Variants in C12orf42 observed in about 807,000 individuals in gnomAD.
C12orf42 encodes the protein chromosome 12 open reading frame 42, also known as uncharacterized protein C12orf42.
A neutral mutation model predicts 21.6 loss-of-function variants in C12orf42; 25 were observed. The ratio of observed to expected loss-of-function variants is 1.16; its 90% confidence interval spans 0.84 to 1.62. C12orf42 has a LOEUF of 1.62. Among genes scored for constraint, C12orf42 ranks in the 40% most tolerant of loss-of-function variants. C12orf42 has a pLI of 0.00. For synonymous variants in C12orf42, 174 were observed against 175.0 expected, an observed-to-expected ratio of 0.99 and a Z score of 0.05; for missense variants, 483 against 459.3, an observed-to-expected ratio of 1.05 and a Z score of -0.47.
At chr12:103,350,173 G>A (rs764163989) in intron 4 of C12orf42, among the ~76,000 whole-genome samples, 49 of 152,248 alleles carry the variant, frequency 3.2e-4, no homozygotes, top group Admixed American at 7.2e-4. Flanking sequence ...CATGGTTTCA[G>A]TTATCCACAC....
In C12orf42 at chr12:103,307,487, G is replaced by A. The variant is rs78602813; in HGVS notation, c.260-1142C>T. On this transcript the variant is annotated intron_variant, in intron 4 of 5. Transcript: ENST00000548883. ...AACCATTCATATCTACATTTCTAGCGTCTCAGTAGAAAGTAAACAGGAAAA... is the reference window on the plus strand; with the variant it reads ...AACCATTCATATCTACATTTCTAGCATCTCAGTAGAAAGTAAACAGGAAAA... Among the ~76,000 whole-genome samples, 2,298 of 152,168 alleles carry A rather than the reference G, an allele frequency of 0.015. 101 individuals are homozygous for A. In the East Asian group the frequency reaches 0.2, roughly 13 times the overall value.
At chr12:103,528,691 T>C in the C12orf42 span, among the ~76,000 whole-genome samples, 1 of 152,170 alleles carries the variant, frequency 6.6e-6, no homozygotes, top group Non-Finnish European at 1.5e-5. Context: ...AGATGCCCAA[T>C]CTAGAACTTT....
intron 10 of C12orf42, among the ~76,000 whole-genome samples, chr12:103,252,077 C>T (rs1301358243): frequency 1.3e-5 from 2 of 152,056 alleles, no homozygotes. Flanking sequence ...AGGTTTTAAG[C>T]CCTGCATGCA....
chr12:103,432,765 G>A (rs1645882930), intron 2 of C12orf42, among the ~76,000 whole-genome samples: 2 of 152,104 alleles, frequency 1.3e-5, no homozygotes, highest in African/African-American at 4.8e-5. Flanking sequence ...GAAGAAGTTA[G>A]GACACAGATA....
the C12orf42 span, among the ~76,000 whole-genome samples, chr12:103,052,547 A>G: frequency 0.011 from 1,631 of 152,030 alleles, 12 homozygotes; most frequent in South Asian, 0.019. Context: ...GATTCAAAGG[A>G]GTTATTTATA....
rs1001937343 is a variant in C12orf42, at chr12:103,285,949, AAAAT to A, written n.338-8743_338-8740del. On this transcript the variant is annotated intron_variant and non_coding_transcript_variant, in intron 4 of 6. Coordinates refer to the C12orf42 transcript ENST00000546526. The stretch of plus-strand genomic sequence containing the variant: ...GGTGCTCAATTAATATGTGCTGAAA[AAAAT>A]AAATGAATGAGGCCGGGCGTGGTGG... 2.6e-5 allele frequency among the ~76,000 whole-genome samples: 4 copies of A among 152,360 alleles called. No homozygotes were observed. The South Asian group carries it at 6.2e-4, about 24-fold the overall frequency.
intron 1 of C12orf42, among the ~76,000 whole-genome samples, chr12:103,488,882 C>T (rs893482197): frequency 6.6e-6 from 1 of 152,150 alleles, no homozygotes; most frequent in Admixed American, 6.5e-5. Context: ...AGCTTCCTCA[C>T]AATGGGTTTG....
At chr12:103,371,009 G>A (rs532149813) in intron 3 of C12orf42, among the ~76,000 whole-genome samples, 1 of 152,126 alleles carries the variant, frequency 6.6e-6, no homozygotes, top group Non-Finnish European at 1.5e-5. Flanking sequence ...CAATTCAGAT[G>A]ATTTGGATAT....
chr12:103,228,567 A>G, the C12orf42 span, among the ~76,000 whole-genome samples: 37 of 152,244 alleles, frequency 2.4e-4, no homozygotes, highest in Non-Finnish European at 3.1e-4. Context: ...TGTTCATGGC[A>G]TGTGCAGATA....
At chr12:103,382,823 T>A (rs2046298795) in intron 3 of C12orf42, among the ~76,000 whole-genome samples, 1 of 152,164 alleles carries the variant, frequency 6.6e-6, no homozygotes. Context: ...TCTCCTACCT[T>A]TCCTATATGT....
At chr12:103,188,303 C>G in the C12orf42 span, among the ~76,000 whole-genome samples, 2 of 151,046 alleles carry the variant, frequency 1.3e-5, no homozygotes, top group African/African-American at 4.9e-5. Context: ...TTTATTTTTC[C>G]ATAAGTTTAT....
Position 103,302,072 on chromosome 12 carries a change from A to T in C12orf42, c.*36T>A. 6.3e-7 allele frequency: 1 copy of T among 1,576,340 alleles called. No homozygotes were observed. On this transcript the variant is annotated 3_prime_UTR_variant, in exon 6 of 6. Transcript: ENST00000548883. ...GTTCTGAGCAGGCATTGATTTGAAG[A>T]TGGGCAGCACTCGCCGAACAATTCC...
chr12:103,221,930 A>C, the C12orf42 span, among the ~76,000 whole-genome samples: 1 of 152,188 alleles, frequency 6.6e-6, no homozygotes, highest in African/African-American at 2.4e-5. Flanking sequence ...CAACAAACAT[A>C]GTGTCCTGCA....
downstream of C12orf42, among the ~76,000 whole-genome samples, chr12:103,234,022 G>A (rs2033389170): frequency 6.6e-6 from 1 of 152,102 alleles, no homozygotes; most frequent in African/African-American, 2.4e-5. Context: ...TGATGAATGG[G>A]TATTGGATTT....
At chr12:103,080,594 A>G in the C12orf42 span, among the ~76,000 whole-genome samples, 147 of 152,228 alleles carry the variant, frequency 9.7e-4, no homozygotes, top group Non-Finnish European at 1.6e-3. Flanking sequence ...TTAGTTTTCT[A>G]TTTTTTTAAT....
At chr12:103,257,378 G>C (rs1280270839) in intron 10 of C12orf42, among the ~76,000 whole-genome samples, 1 of 151,912 alleles carries the variant, frequency 6.6e-6, no homozygotes. Flanking sequence ...AAAGAAATGA[G>C]CCAATAAGGA....
chr12:103,187,535 C>T, the C12orf42 span, among the ~76,000 whole-genome samples: 1 of 152,312 alleles, frequency 6.6e-6, no homozygotes, highest in East Asian at 1.9e-4. Context: ...GTAAAGATCT[C>T]TTTGCCCCTT....
At chr12:103,179,763 A>G in the C12orf42 span, among the ~76,000 whole-genome samples, 1 of 152,228 alleles carries the variant, frequency 6.6e-6, no homozygotes, top group Non-Finnish European at 1.5e-5. Context: ...AGACTATTAC[A>G]ACCATTCAGG....
In C12orf42 at chr12:103,361,962, C is replaced by G. The variant is rs2044155162; in HGVS notation, c.259+6925G>C. ...CAAAAAGCATATTCTCCTGGGAGTT[C>G]TAGAGCCCCCACCTACTGCCTGATC... On this transcript the variant is annotated intron_variant, in intron 4 of 5. Transcript: ENST00000548883. Among the ~76,000 whole-genome samples the G allele has an allele frequency of 1.3e-5, 2 of 152,128 alleles. 1 individual carries two copies. The highest frequency in any genetic ancestry group is 1.3e-4 in the Admixed American group (2 of 15,264).
Sources: allele counts gnomAD v4.1 joint callset (sites outside exome capture counted in the v4.1 genomes callset), GRCh38; gene constraint gnomAD v4.1.1; transcripts MANE v1.5; gene names NCBI Gene and HGNC (gene_info 2026-07-23, HGNC 2026-07-21).